AKAP6: variants seen among roughly 807,000 people sequenced by gnomAD.
The protein encoded by AKAP6 is A-kinase anchoring protein 6, also known as A-kinase anchor protein 6.
Under a neutral mutation model 188.5 loss-of-function variants are expected in AKAP6, and 58 were observed. That is an observed-to-expected ratio of 0.31 (90% CI 0.25 to 0.38). AKAP6 has a LOEUF of 0.38. Ranked by LOEUF, AKAP6 falls within the 10% of genes least tolerant of loss-of-function variation. AKAP6 has a pLI of 1.00. For synonymous variants in AKAP6, 989 were observed against 998.6 expected, an observed-to-expected ratio of 0.99 and a Z score of 0.18; for missense variants, 2,710 against 2,740.0, an observed-to-expected ratio of 0.99 and a Z score of 0.24.
intron 12 of AKAP6, among the ~76,000 whole-genome samples, chr14:32,809,402 A>T (rs2034167117): frequency 6.6e-6 from 1 of 152,172 alleles, no homozygotes; most frequent in African/African-American, 2.4e-5. Context: ...TTTATCCAGC[A>T]AGCTAATTTC....
At chr14:32,694,126 C>T (rs934752781) in intron 8 of AKAP6, among the ~76,000 whole-genome samples, 4 of 151,906 alleles carry the variant, frequency 2.6e-5, no homozygotes, top group Non-Finnish European at 5.9e-5. Context: ...CTTTGGGAGG[C>T]CGAGGTGGGC....
At chr14:32,406,001 T>C (rs1164573896) in intron 1 of AKAP6, among the ~76,000 whole-genome samples, 1 of 152,134 alleles carries the variant, frequency 6.6e-6, no homozygotes, top group Non-Finnish European at 1.5e-5. Flanking sequence ...CTTTTGAAAA[T>C]CAGTTTCTAA....
chr14:32,355,185 C>T (rs993442960), intron 1 of AKAP6, among the ~76,000 whole-genome samples: 2 of 152,144 alleles, frequency 1.3e-5, no homozygotes, highest in Admixed American at 6.6e-5. Context: ...AGGATTCTAA[C>T]TGATACAAAC....
chr14:32,721,914 C>G (rs1163985160), intron 9 of AKAP6, among the ~76,000 whole-genome samples: 1 of 152,174 alleles, frequency 6.6e-6, no homozygotes, highest in African/African-American at 2.4e-5. Flanking sequence ...TTCATTTGCC[C>G]ATAATATATC....
chr14:32,677,920 A>C (rs1445326611), intron 7 of AKAP6, among the ~76,000 whole-genome samples: 1 of 152,250 alleles, frequency 6.6e-6, no homozygotes, highest in Non-Finnish European at 1.5e-5. Context: ...AAATATTTAG[A>C]ATATGTGTCC....
chr14:32,572,225 A>C (rs914448491), intron 4 of AKAP6, among the ~76,000 whole-genome samples: 1 of 152,208 alleles, frequency 6.6e-6, no homozygotes, highest in South Asian at 2.1e-4. Context: ...TCTGATCCTC[A>C]GTTTCCTCAT....
intron 1 of AKAP6, among the ~76,000 whole-genome samples, chr14:32,363,913 C>T (rs902810288): frequency 6.6e-6 from 1 of 152,244 alleles, no homozygotes; most frequent in African/African-American, 2.4e-5. Flanking sequence ...GAGCAGTGGG[C>T]GTTCATTCCA....
At chr14:32,562,315 G>C (rs1883990291) in intron 4 of AKAP6, among the ~76,000 whole-genome samples, 1 of 152,124 alleles carries the variant, frequency 6.6e-6, no homozygotes, top group African/African-American at 2.4e-5. Flanking sequence ...TGTGTGTGTG[G>C]GTGGGGAGGG....
At chr14:32,483,003 A>ATGTG (rs1415706046) in intron 2 of AKAP6, among the ~76,000 whole-genome samples, 1 of 77,810 alleles carries the variant, frequency 1.3e-5, no homozygotes, top group African/African-American at 3.0e-5. Flanking sequence ...ATATATATAT[A>ATGTG]TATATATATG....
chr14:32,589,442 T>A (rs765758530), intron 5 of AKAP6, among the ~76,000 whole-genome samples: 16 of 152,296 alleles, frequency 1.1e-4, no homozygotes, highest in South Asian at 8.3e-4. Flanking sequence ...CATACAGGCA[T>A]TTTGAGGTTG....
At chr14:32,802,362 A>C (rs776274516) in intron 12 of AKAP6, among the ~76,000 whole-genome samples, 4 of 152,216 alleles carry the variant, frequency 2.6e-5, no homozygotes, top group Non-Finnish European at 5.9e-5. Context: ...GGTTCTAAGT[A>C]TCCCAGAAAT....
chr14:32,611,856 T>A (rs547222301), intron 7 of AKAP6, among the ~76,000 whole-genome samples: 1 of 152,280 alleles, frequency 6.6e-6, no homozygotes, highest in African/African-American at 2.4e-5. Flanking sequence ...TGGATAGTTA[T>A]TGCTACAATG....
chr14:32,586,706 A>G (rs780150369), intron 5 of AKAP6, among the ~76,000 whole-genome samples: 2 of 152,200 alleles, frequency 1.3e-5, no homozygotes, highest in Non-Finnish European at 2.9e-5. Flanking sequence ...AAGTCAATAA[A>G]TATAGAATGA....
At chr14:32,386,771 T>C (rs1888547842) in intron 1 of AKAP6, among the ~76,000 whole-genome samples, 1 of 152,158 alleles carries the variant, frequency 6.6e-6, no homozygotes. Context: ...CCATCTTTAG[T>C]TGGTTTTTGT....
chr14:32,580,353 T>G (rs913283800), intron 5 of AKAP6, among the ~76,000 whole-genome samples: 1 of 152,084 alleles, frequency 6.6e-6, no homozygotes, highest in African/African-American at 2.4e-5. Flanking sequence ...TGGAAAGGTA[T>G]TTTGCAAGTG....
chr14:32,704,911 CT>C (rs1315518796), intron 9 of AKAP6, among the ~76,000 whole-genome samples: 1 of 152,080 alleles, frequency 6.6e-6, no homozygotes, highest in African/African-American at 2.4e-5. Context: ...TTTATTAGAA[CT>C]TCTTGAATGT....
intron 1 of AKAP6, among the ~76,000 whole-genome samples, chr14:32,359,351 A>T (rs534277694): frequency 6.6e-5 from 10 of 152,290 alleles, no homozygotes; most frequent in African/African-American, 2.2e-4. Context: ...TGTAAAATAC[A>T]TACAAAAAGC....
chr14:32,535,254 GC>G, intron 2 of AKAP6, among the ~76,000 whole-genome samples: 1 of 152,146 alleles, frequency 6.6e-6, no homozygotes, highest in African/African-American at 2.4e-5. Context: ...AAAAAAGAGA[GC>G]AGTGAATTGG....
intron 1 of AKAP6, among the ~76,000 whole-genome samples, chr14:32,330,996 C>T (rs1886516375): frequency 6.6e-6 from 1 of 151,950 alleles, no homozygotes; most frequent in African/African-American, 2.4e-5. Context: ...TCTGCTGGGA[C>T]TGCTGGGTGT....
Sources: gnomAD v4.1 joint callset for allele counts (sites outside exome capture counted in the v4.1 genomes callset) on GRCh38, gnomAD v4.1.1 for gene constraint, MANE v1.5 for transcripts, NCBI Gene and HGNC (gene_info 2026-07-23, HGNC 2026-07-21) for gene names.